USP34: variants seen among roughly 807,000 people sequenced by gnomAD.
USP34 encodes the protein ubiquitin carboxyl-terminal hydrolase 34.
In USP34, 70 loss-of-function variants were observed where a neutral mutation model predicts 460.3. The observed-to-expected ratio is 0.15, with a 90% CI of 0.13 to 0.19. The LOEUF (loss-of-function observed/expected upper bound fraction) is 0.19, where lower values mean the gene tolerates loss of function less well. USP34 is among the 10% of genes least tolerant of loss of function. The probability of loss-of-function intolerance (pLI) is 1.00; values close to 1 mark genes in which losing one functional copy is unlikely to be tolerated. For missense variants in USP34, 3,985 were observed against 4,236.2 expected (o/e 0.94, Z 1.65); for synonymous variants, 1,647 against 1,405.3 (o/e 1.17, Z -3.85).
intron 8 of USP34, among the ~76,000 whole-genome samples, chr2:61,371,234 T>G (rs1692614715): frequency 6.6e-6 from 1 of 152,210 alleles, no homozygotes; most frequent in Non-Finnish European, 1.5e-5. Flanking sequence ...CTCACAGGTT[T>G]GTGGTGATGC....
intron 1 of USP34, among the ~76,000 whole-genome samples, chr2:61,467,625 T>TTTG: frequency 7.0e-6 from 1 of 142,086 alleles, no homozygotes; most frequent in Non-Finnish European, 1.5e-5. Context: ...TTGTTTTTTT[T>TTTG]TTTTTTTTTT....
intron 41 of USP34, among the ~76,000 whole-genome samples, chr2:61,270,874 T>C (rs945884317): frequency 3.3e-5 from 5 of 152,236 alleles, no homozygotes; most frequent in Admixed American, 2.6e-4. Flanking sequence ...TAGGCTAAAC[T>C]GAACCAACCA....
chr2:61,400,059 T>C (rs569461757), intron 3 of USP34, among the ~76,000 whole-genome samples: 1 of 131,898 alleles, frequency 7.6e-6, no homozygotes, highest in South Asian at 2.5e-4. Context: ...ATTTGGTTAT[T>C]TTAAAAGAGA....
At chr2:61,419,051 C>T (rs933929564) in intron 2 of USP34, among the ~76,000 whole-genome samples, 1 of 152,178 alleles carries the variant, frequency 6.6e-6, no homozygotes, top group Non-Finnish European at 1.5e-5. Flanking sequence ...CTCATTAAGA[C>T]AGTAGTAGCT....
Position 61,188,202 on chromosome 2 carries a change from A to G in USP34, c.10541T>C (p.Met3514Thr), listed in dbSNP as rs1010295293. 4.3e-6 allele frequency: 7 copies of G among 1,614,090 alleles called. No homozygotes were observed. Among genetic ancestry groups the G allele is most frequent in the East Asian group, 2.2e-5 (1 of 44,888 alleles). Residue 3514 changes from methionine (M) to threonine (T), a missense_variant, in exon 80 of 80, where the codon ATG (methionine) becomes ACG (threonine). Coordinates refer to ENST00000398571, the MANE Select transcript of USP34 (RefSeq NM_014709.4). ...CGHSRGLFSH[M>T]QQHDILDTLC... ...GGTATCTAAAATGTCATGTTGCTGC[A>G]TATGACTAAAGAGTCCTCTGGAATG...
intron 58 of USP34, among the ~76,000 whole-genome samples, chr2:61,230,961 A>G (rs531091441): frequency 2.0e-5 from 3 of 152,328 alleles, no homozygotes; most frequent in Admixed American, 6.5e-5. Flanking sequence ...TCCTAACAGC[A>G]TTACTAAAAA....
chr2:61,348,912 T>C lies in USP34; in HGVS notation c.1544-26A>G, dbSNP rs372886588. 212 of 1,584,664 alleles carry C rather than the reference T, an allele frequency of 1.3e-4. 1 individual carries two copies. The African/African-American group carries it at 2.3e-3, about 17-fold the overall frequency. ...CTATATAAAATACATTTTTTGTTTT[T>C]ACTTCTAATTTATATTAACATTGAC... On this transcript the variant is annotated intron_variant, in intron 13 of 79. Coordinates refer to ENST00000398571, the MANE Select transcript of USP34 (RefSeq NM_014709.4).
chr2:61,417,254 A>G (rs1694224133), intron 2 of USP34: 4 of 1,263,842 alleles, frequency 3.2e-6, no homozygotes, highest in South Asian at 1.2e-5. Flanking sequence ...GCCTGTCTCC[A>G]AGGTCCCTTA....
At chr2:61,307,604 T>C (rs1434543892) in intron 27 of USP34, among the ~76,000 whole-genome samples, 2 of 151,306 alleles carry the variant, frequency 1.3e-5, no homozygotes, top group Non-Finnish European at 2.9e-5. Context: ...CCTCATGACC[T>C]AGAATTTGAT....
chr2:61,248,377 C>G, intron 49 of USP34, 134 bp downstream of exon 49: 1 of 814,676 alleles, frequency 1.2e-6, no homozygotes, highest in Non-Finnish European at 1.8e-6. Context: ...GAATGCATGA[C>G]ATTGTCTTAA....
intron 1 of USP34, among the ~76,000 whole-genome samples, chr2:61,434,391 G>C (rs374723246): frequency 6.6e-6 from 1 of 152,090 alleles, no homozygotes; most frequent in Non-Finnish European, 1.5e-5. Context: ...TCCTAGACCT[G>C]AGAAACCATG....
At chr2:61,436,172 T>C (rs575076173) in intron 1 of USP34, among the ~76,000 whole-genome samples, 4 of 150,910 alleles carry the variant, frequency 2.7e-5, no homozygotes, top group Admixed American at 1.3e-4. Flanking sequence ...GTACTAAAAA[T>C]ACAAAAAAAT....
At chr2:61,301,285 C>A in intron 28 of USP34, 69 bp downstream of exon 28, 1 of 1,545,168 alleles carries the variant, frequency 6.5e-7, no homozygotes, top group Non-Finnish European at 8.8e-7. Flanking sequence ...TTTTAAACTA[C>A]ATCTGCGACT....
chr2:61,437,862 C>G (rs1340695107), intron 1 of USP34, among the ~76,000 whole-genome samples: 1 of 151,346 alleles, frequency 6.6e-6, no homozygotes, highest in Non-Finnish European at 1.5e-5. Flanking sequence ...GAATCAGTAA[C>G]AAAAAGTCTC....
At chr2:61,262,102 A>T (rs1688899815) in intron 43 of USP34, among the ~76,000 whole-genome samples, 5 of 116,308 alleles carry the variant, frequency 4.3e-5, no homozygotes, top group African/African-American at 1.7e-4. Flanking sequence ...AAAAAAAAAA[A>T]AAAAAAAAAA....
At chr2:61,244,635 A>G (rs1688372412) in intron 51 of USP34, among the ~76,000 whole-genome samples, 1 of 140,996 alleles carries the variant, frequency 7.1e-6, no homozygotes, top group East Asian at 2.2e-4. Context: ...AAAAAAAAAA[A>G]AGTCTTTTCT....
At chr2:61,298,856 T>G (rs1287437877) in intron 29 of USP34, among the ~76,000 whole-genome samples, 1 of 151,976 alleles carries the variant, frequency 6.6e-6, no homozygotes, top group Non-Finnish European at 1.5e-5. Flanking sequence ...TAAATTACAC[T>G]ATGCTAGTAT....
intron 27 of USP34, among the ~76,000 whole-genome samples, chr2:61,306,036 G>A (rs1269409698): frequency 6.6e-6 from 1 of 152,134 alleles, no homozygotes; most frequent in African/African-American, 2.4e-5. Flanking sequence ...TAGGTTGCCT[G>A]TTCACTCTGA....
chr2:61,297,170 C>T (rs1690055220), intron 29 of USP34, among the ~76,000 whole-genome samples: 1 of 152,164 alleles, frequency 6.6e-6, no homozygotes, highest in Non-Finnish European at 1.5e-5. Context: ...GATCATGTTC[C>T]TCATGAAACT....
Sources: gnomAD v4.1 joint callset for allele counts (sites outside exome capture counted in the v4.1 genomes callset) on GRCh38, gnomAD v4.1.1 for gene constraint, MANE v1.5 for transcripts, NCBI Gene and HGNC (gene_info 2026-07-23, HGNC 2026-07-21) for gene names.